The following RAPGEF2 variants were observed in gnomAD, a reference collection of about 807,000 sequenced individuals.
RAPGEF2 encodes PDZ domain containing guanine nucleotide exchange factor (GEF) 1.
RAPGEF2 carries 54 observed loss-of-function variants against 186.7 expected under a neutral mutation model. That is an observed-to-expected ratio of 0.29 (90% CI 0.23 to 0.36). The LOEUF is 0.36. Among genes scored for constraint, RAPGEF2 ranks in the 10% least tolerant of loss-of-function variants. RAPGEF2 has a pLI of 1.00. For synonymous variants in RAPGEF2, 712 were observed against 705.9 expected (o/e 1.01, Z -0.14); for missense variants, 1,532 against 2,045.0 (o/e 0.75, Z 4.84).
At chr4:159,307,392 A>C (rs1227141169) in intron 8 of RAPGEF2, among the ~76,000 whole-genome samples, 2 of 152,170 alleles carry the variant, frequency 1.3e-5, no homozygotes, top group African/African-American at 4.8e-5. Flanking sequence ...CCTCCTCATC[A>C]CATACACACA....
intron 4 of RAPGEF2, among the ~76,000 whole-genome samples, chr4:159,220,202 G>A (rs969827578): frequency 6.6e-5 from 10 of 152,216 alleles, no homozygotes; most frequent in Admixed American, 2.0e-4. Context: ...GTAGAGCAGG[G>A]TGGTGGCTAG....
At chr4:159,278,266 A>G (rs1759199559) in intron 7 of RAPGEF2, among the ~76,000 whole-genome samples, 3 of 152,220 alleles carry the variant, frequency 2.0e-5, no homozygotes, top group African/African-American at 7.2e-5. Context: ...GATGTGTGGT[A>G]TTATTTCTGA....
intron 1 of RAPGEF2, among the ~76,000 whole-genome samples, chr4:159,142,451 A>AT: frequency 6.6e-6 from 1 of 152,012 alleles, no homozygotes; most frequent in East Asian, 1.9e-4. Context: ...TCTACATTTC[A>AT]TGAGTCAGTT....
intron 7 of RAPGEF2, among the ~76,000 whole-genome samples, chr4:159,260,673 AT>A (rs1378613821): frequency 1.3e-5 from 2 of 152,194 alleles, no homozygotes; most frequent in African/African-American, 2.4e-5. Flanking sequence ...TGAGTGTCAA[AT>A]TTGTATCCCA....
intron 1 of RAPGEF2, among the ~76,000 whole-genome samples, chr4:159,171,809 C>G (rs1212860615): frequency 6.6e-6 from 1 of 152,084 alleles, no homozygotes; most frequent in African/African-American, 2.4e-5. Context: ...TTTGCAGTCA[C>G]CTCACTCACT....
intron 7 of RAPGEF2, among the ~76,000 whole-genome samples, chr4:159,250,799 C>T (rs999236901): frequency 3.3e-5 from 5 of 151,832 alleles, no homozygotes; most frequent in South Asian, 2.1e-4. Context: ...CTCGGCGCCT[C>T]GGCCTCGGCA....
intron 1 of RAPGEF2, among the ~76,000 whole-genome samples, chr4:159,165,614 A>G (rs1349384541): frequency 2.0e-5 from 3 of 152,176 alleles, no homozygotes; most frequent in East Asian, 3.9e-4. Flanking sequence ...TGTGTAAACA[A>G]TGGATTTTTG....
At position 159,277,142 on chromosome 4, in the gene RAPGEF2, C is replaced by T. The variant is rs1487962746; in HGVS notation, c.544-27200C>T. Among the ~76,000 whole-genome samples the T allele has an allele frequency of 2.0e-5, 3 of 148,570 alleles. No homozygotes were observed. The East Asian group carries it at 6.2e-4, about 30-fold the overall frequency. ...CCTGTGTCCAAGTGTTCTCATTGTT[C>T]AATTCCCACCTATGAGTGAGAACAT... is the stretch of plus-strand genomic sequence containing the variant. On this transcript the variant is annotated intron_variant, in intron 7 of 29. Transcript: ENST00000691494.
intron 1 of RAPGEF2, among the ~76,000 whole-genome samples, chr4:159,142,680 A>T (rs946044454): frequency 3.3e-5 from 5 of 152,296 alleles, no homozygotes; most frequent in Admixed American, 3.3e-4. Flanking sequence ...GCCTTTAAAA[A>T]TTTTCTTTTC....
chr4:159,103,250 T>A lies in RAPGEF2; in HGVS notation c.-913T>A, dbSNP rs1737380402. On this transcript the variant is annotated 5_prime_UTR_variant, in exon 1 of 30. Transcript: ENST00000691494. ...CGAACCCGGGCTGTCCGCGGCCCCC[T>A]CTTCCCCCTCCTCCGCCCCGCGCAG... 1 of 151,694 alleles carries A rather than the reference T, an allele frequency of 6.6e-6. No homozygotes were observed. The highest frequency in any genetic ancestry group is 6.6e-5 in the Admixed American group (1 of 15,224). The allele number at this position is 151,694 out of a possible 1,614,324, so 9.4% of individuals were successfully genotyped here. A position where few individuals can be genotyped will look rare whatever the true frequency, so the allele number is the denominator to read the frequency against.
chr4:159,317,201 T>G (rs1764709931), intron 9 of RAPGEF2, among the ~76,000 whole-genome samples: 2 of 152,210 alleles, frequency 1.3e-5, no homozygotes, highest in Admixed American at 6.5e-5. Flanking sequence ...AACCTTAGAT[T>G]AGACATTCAA....
At chr4:159,232,702 G>T (rs889808591) in intron 4 of RAPGEF2, among the ~76,000 whole-genome samples, 3 of 152,126 alleles carry the variant, frequency 2.0e-5, no homozygotes, top group Non-Finnish European at 4.4e-5. Flanking sequence ...TTGAGAAATT[G>T]CCAAACTGTC....
intron 1 of RAPGEF2, among the ~76,000 whole-genome samples, chr4:159,186,073 C>G: frequency 6.6e-6 from 1 of 150,696 alleles, no homozygotes; most frequent in East Asian, 1.9e-4. Context: ...AACTTTGAGT[C>G]TTTTTTTTTC....
chr4:159,288,711 C>T (rs994715636), intron 7 of RAPGEF2, among the ~76,000 whole-genome samples: 3 of 152,188 alleles, frequency 2.0e-5, no homozygotes, highest in African/African-American at 7.2e-5. Flanking sequence ...CCTTCCAGTG[C>T]ATGAACTCCT....
At chr4:159,268,329 A>G in intron 7 of RAPGEF2, 2 of 856,672 alleles carry the variant, frequency 2.3e-6, no homozygotes, top group Admixed American at 2.2e-5. Context: ...AAGGTATAGT[A>G]GTCTGCTTGG....
chr4:159,166,591 A>G (rs753808762), intron 1 of RAPGEF2, among the ~76,000 whole-genome samples: 71 of 152,232 alleles, frequency 4.7e-4, no homozygotes, highest in Non-Finnish European at 7.9e-4. Flanking sequence ...CTTGAGTTCC[A>G]GAATTCCAGA....
chr4:159,181,079 A>G (rs1011969792), intron 1 of RAPGEF2, among the ~76,000 whole-genome samples: 3 of 152,364 alleles, frequency 2.0e-5, no homozygotes, highest in Admixed American at 6.5e-5. Context: ...CGTAATTTGT[A>G]TAAGAGCGTG....
chr4:159,123,625 TCTCCTAC>T (rs1393028104), intron 1 of RAPGEF2, among the ~76,000 whole-genome samples: 1 of 149,910 alleles, frequency 6.7e-6, no homozygotes, highest in Non-Finnish European at 1.5e-5. Context: ...TTCACGCCAT[TCTCCTAC>T]CTCAGCCTCC....
chr4:159,343,473 G>T (rs1729831989), intron 22 of RAPGEF2, 69 bp downstream of exon 22: 4 of 1,567,052 alleles, frequency 2.6e-6, no homozygotes, highest in Non-Finnish European at 3.5e-6. Context: ...CCCAATAAAT[G>T]ATTTTTTTAA....
Sources: allele counts gnomAD v4.1 joint callset (sites outside exome capture counted in the v4.1 genomes callset), GRCh38; gene constraint gnomAD v4.1.1; transcripts MANE v1.5; gene names NCBI Gene and HGNC (gene_info 2026-07-23, HGNC 2026-07-21).